Variants in N4BP2 observed in about 807,000 individuals in gnomAD.
N4BP2 encodes NEDD4-binding protein 2.
A neutral mutation model predicts 152.8 loss-of-function variants in N4BP2; 91 were observed. The ratio of observed to expected loss-of-function variants is 0.60; its 90% confidence interval spans 0.50 to 0.71. The LOEUF is 0.71. N4BP2 is among the 30% of genes least tolerant of loss of function. The pLI is 0.00. For missense variants in N4BP2, 1,923 were observed against 2,059.1 expected, an observed-to-expected ratio of 0.93 and a Z score of 1.28; for synonymous variants, 646 against 705.3, an observed-to-expected ratio of 0.92 and a Z score of 1.33.
At position 40,128,771 on chromosome 4, in the gene N4BP2, G is replaced by A. The variant is rs149948565; in HGVS notation, c.4527+2441G>A. Among the ~76,000 whole-genome samples, 476 of 151,362 alleles carry A rather than the reference G, an allele frequency of 3.1e-3. 3 individuals carry two copies. The highest frequency in any genetic ancestry group is 5.3e-3 in the Non-Finnish European group (360 of 67,824). ...TTGAACTCCTGACCTCAAGTGATTC[G>A]GCTTCCCAAAGTGTTGGGATTACAG... is the stretch of plus-strand genomic sequence containing the variant. On this transcript the variant is annotated intron_variant, in intron 12 of 17. Coordinates refer to ENST00000261435, the MANE Select transcript of N4BP2 (RefSeq NM_018177.6).
At chr4:40,160,738 T>G (rs191448605), downstream of N4BP2, among the ~76,000 whole-genome samples, 33 of 152,316 alleles carry the variant, frequency 2.2e-4, 1 homozygote, top group East Asian at 6.4e-3. Flanking sequence ...ATGAAAATAC[T>G]AAACACACAC....
At chr4:40,057,109 C>T (rs1459604566) in intron 1 of N4BP2, 79 bp downstream of exon 1, 4 of 152,738 alleles carry the variant, frequency 2.6e-5, no homozygotes, top group African/African-American at 9.6e-5. Context: ...GGCTCCGAGC[C>T]GAAGCGGAGG....
At chr4:40,142,337 G>A in intron 14 of N4BP2, 1 of 317,742 alleles carries the variant, frequency 3.1e-6, no homozygotes, top group Non-Finnish European at 6.2e-6. Flanking sequence ...GTTGGGCTGG[G>A]GGTGACTGGG....
the N4BP2 span, among the ~76,000 whole-genome samples, chr4:40,175,750 C>T: frequency 3.1e-5 from 4 of 130,678 alleles, no homozygotes; most frequent in Admixed American, 3.5e-4. Flanking sequence ...ACGGAGGTTG[C>T]AGTGAGCCGA....
Position 40,097,417 on chromosome 4 carries a change from G to A in N4BP2, c.77G>A (p.Ser26Asn). Residue 26 changes from serine to asparagine, a missense_variant, in exon 3 of 18, where the codon AGT becomes AAT. Transcript: ENST00000261435. Reference protein sequence around the residue: ...TANPKEVVVSSVASREEPTTT... With the variant: ...TANPKEVVVSNVASREEPTTT... ...AACCCTAAGGAAGTTGTCGTATCCA[G>A]TGTTGCTAGTCGTGAGGAGCCAACC... 1 of 1,614,134 alleles carries A rather than the reference G, an allele frequency of 6.2e-7. No homozygotes were observed. The highest frequency in any genetic ancestry group is 8.5e-7 in the Non-Finnish European group (1 of 1,180,004).
At chr4:40,126,867 C>T (rs1047743168) in intron 12 of N4BP2, among the ~76,000 whole-genome samples, 1 of 152,056 alleles carries the variant, frequency 6.6e-6, no homozygotes, top group Admixed American at 6.6e-5. Flanking sequence ...AAACGATTCT[C>T]CTGCCTCAGC....
chr4:40,082,475 A>G (rs556191779), intron 2 of N4BP2, among the ~76,000 whole-genome samples: 1 of 152,270 alleles, frequency 6.6e-6, no homozygotes, highest in African/African-American at 2.4e-5. Flanking sequence ...ATAAATGCCA[A>G]TAAGAACATG....
intron 14 of N4BP2, among the ~76,000 whole-genome samples, chr4:40,141,102 G>A (rs1447851235): frequency 6.6e-6 from 1 of 151,968 alleles, no homozygotes; most frequent in Non-Finnish European, 1.5e-5. Flanking sequence ...ATGAGCTGCC[G>A]GGCACACCTC....
intron 12 of N4BP2, among the ~76,000 whole-genome samples, chr4:40,128,758 C>T (rs1718648017): frequency 6.6e-6 from 1 of 151,714 alleles, no homozygotes; most frequent in Admixed American, 6.6e-5. Context: ...GAACTCCTGA[C>T]CTCAAGTGAT....
intron 1 of N4BP2, among the ~76,000 whole-genome samples, chr4:40,071,320 G>A (rs966220344): frequency 1.3e-5 from 2 of 152,112 alleles, no homozygotes; most frequent in African/African-American, 4.8e-5. Context: ...CTGGGAGTTA[G>A]ATCTAAAGGT....
chr4:40,088,040 G>T (rs533231002), intron 2 of N4BP2, among the ~76,000 whole-genome samples: 4 of 152,276 alleles, frequency 2.6e-5, no homozygotes, highest in African/African-American at 9.6e-5. Context: ...TTACAGACCG[G>T]AGCCACCACG....
chr4:40,144,831 A>G (rs1352215390), intron 16 of N4BP2, 31 bp downstream of exon 16: 2 of 1,558,738 alleles, frequency 1.3e-6, no homozygotes, highest in Admixed American at 3.9e-5. Flanking sequence ...AGTTTTCAAT[A>G]GAATATATGT....
chr4:40,095,328 A>T (rs1377627484), intron 2 of N4BP2, among the ~76,000 whole-genome samples: 1 of 151,910 alleles, frequency 6.6e-6, no homozygotes, highest in Non-Finnish European at 1.5e-5. Flanking sequence ...TGATCCACCC[A>T]CCTTGGCCTC....
intron 4 of N4BP2, among the ~76,000 whole-genome samples, chr4:40,104,937 G>A (rs980164693): frequency 6.6e-6 from 1 of 151,520 alleles, no homozygotes; most frequent in Admixed American, 6.6e-5. Context: ...CCGGAGTAGC[G>A]GGACTACAGC....
At chr4:40,093,587 ATTAT>A (rs148109069) in intron 2 of N4BP2, among the ~76,000 whole-genome samples, 26,639 of 150,386 alleles carry the variant, frequency 0.18, 3,058 homozygotes, top group Admixed American at 0.26. Context: ...TTGTATTTGT[ATTAT>A]TTATTTATTT....
intron 12 of N4BP2, among the ~76,000 whole-genome samples, chr4:40,131,206 G>A (rs1718877127): frequency 2.6e-5 from 4 of 152,142 alleles, no homozygotes; most frequent in Non-Finnish European, 4.4e-5. Flanking sequence ...TCAGGTCTCA[G>A]TACCAGAAAA....
intron 1 of N4BP2, among the ~76,000 whole-genome samples, chr4:40,061,264 G>A (rs2109882532): frequency 6.6e-6 from 1 of 151,978 alleles, no homozygotes; most frequent in Non-Finnish European, 1.5e-5. Flanking sequence ...CTGCCTCCCA[G>A]GTTCAAGCGA....
intron 2 of N4BP2, among the ~76,000 whole-genome samples, chr4:40,078,406 G>A (rs1254282873): frequency 6.6e-6 from 1 of 151,978 alleles, no homozygotes; most frequent in Non-Finnish European, 1.5e-5. Context: ...CAAAGTGCTG[G>A]GATTACAGAT....
chr4:40,095,396 A>C (rs1715020252), intron 2 of N4BP2, among the ~76,000 whole-genome samples: 1 of 152,144 alleles, frequency 6.6e-6, no homozygotes, highest in South Asian at 2.1e-4. Flanking sequence ...TATCTTTTTG[A>C]TGGCCTGATC....
Sources: gnomAD v4.1 joint callset for allele counts (sites outside exome capture counted in the v4.1 genomes callset) on GRCh38, gnomAD v4.1.1 for gene constraint, MANE v1.5 for transcripts, NCBI Gene and HGNC (gene_info 2026-07-23, HGNC 2026-07-21) for gene names.